The following SMAD2 variants were observed in gnomAD, a reference collection of about 807,000 sequenced individuals.
SMAD2 encodes MAD homolog 2.
In SMAD2, 8 loss-of-function variants were observed where a neutral mutation model predicts 64.4. The ratio of observed to expected loss-of-function variants is 0.12; its 90% CI spans 0.07 to 0.22. The LOEUF is 0.22. Ranked by LOEUF, SMAD2 falls within the 10% of genes least tolerant of loss-of-function variation. SMAD2 has a pLI of 1.00. For synonymous variants in SMAD2, 203 were observed against 195.8 expected (o/e 1.04, Z -0.31); for missense variants, 289 against 561.2 (o/e 0.51, Z 4.90).
chr18:47,895,950 T>C (rs2033419978), intron 2 of SMAD2, among the ~76,000 whole-genome samples: 2 of 152,240 alleles, frequency 1.3e-5, no homozygotes, highest in Admixed American at 1.3e-4. Flanking sequence ...CAGTGGTACT[T>C]ATCTGTAAAT....
Position 47,845,440 on chromosome 18 carries a change from G to A in SMAD2, c.1180C>T (p.Leu394=), listed in dbSNP as rs771824876. Residue 394 remains leucine (L), a synonymous_variant, in exon 10 of 11, where the codon CTG becomes TTG. Coordinates refer to ENST00000262160, the MANE Select transcript of SMAD2 (RefSeq NM_005901.6). ...AAACCCTGATTAACAGACTGAGCCA[G>A]AAGAGCAGCAAATTCCTGGTTGTTG... The part of the protein sequence containing the change: ...IFNNQEFAAL[L]AQSVNQGFEA... 1 of 1,613,674 alleles carries A rather than the reference G, an allele frequency of 6.2e-7. No homozygotes were observed.
intron 7 of SMAD2, among the ~76,000 whole-genome samples, chr18:47,850,200 ATATATATTATT>A (rs1914983628): frequency 1.1e-5 from 1 of 95,118 alleles, no homozygotes; most frequent in Non-Finnish European, 1.9e-5. Flanking sequence ...TATATAGTAT[ATATATATTATT>A]ATATATATGT....
chr18:47,825,190 A>T lies in SMAD2; in HGVS notation c.*16637T>A, dbSNP rs1447922365. 6.6e-6 allele frequency: 1 copy of T among 152,206 alleles called. No individual in the cohort carries two copies. The highest frequency in any genetic ancestry group is 1.5e-5 in the Non-Finnish European group (1 of 68,042). 9.4% of individuals were successfully genotyped at this position (152,206 alleles called of 1,614,324 possible). A position where few individuals can be genotyped will look rare whatever the true frequency, so the allele number is the denominator to read the frequency against. On this transcript the variant is annotated 3_prime_UTR_variant, in exon 11 of 11. Transcript: ENST00000262160. ...CCATTTAAACATATATTCAAGGAAA[A>T]ATATATTAAGTTACCTGAACATTTG... is the stretch of plus-strand genomic sequence containing the variant.
chr18:47,882,661 C>T (rs990371648), intron 2 of SMAD2, among the ~76,000 whole-genome samples: 3 of 152,136 alleles, frequency 2.0e-5, no homozygotes, highest in Admixed American at 6.5e-5. Flanking sequence ...CCTCATAAAA[C>T]AACATTTTTC....
Position 47,834,428 on chromosome 18 carries a change from A to G in SMAD2, c.*7399T>C, listed in dbSNP as rs555171457. 4.8e-5 allele frequency: 10 copies of G among 206,572 alleles called. No homozygotes were observed. Among genetic ancestry groups the G allele is most frequent in the African/African-American group, 6.8e-5 (3 of 43,810 alleles). 12.8% of individuals were successfully genotyped at this position (206,572 alleles called of 1,614,324 possible). On this transcript the variant is annotated 3_prime_UTR_variant, in exon 11 of 11. Coordinates refer to ENST00000262160, the MANE Select transcript of SMAD2 (RefSeq NM_005901.6). ...TCTGCTAAAAGTTTTGTATCCAGGG[A>G]AAGTCCCGCATCCAGGGAAACCCTC...
chr18:47,860,159 G>A (rs569863947), intron 6 of SMAD2, among the ~76,000 whole-genome samples: 18 of 151,704 alleles, frequency 1.2e-4, no homozygotes, highest in Admixed American at 6.5e-4. Context: ...TGACTTAAAT[G>A]AAATGAACAC....
At chr18:47,912,509 G>A (rs2034177329) in intron 1 of SMAD2, 1 of 152,398 alleles carries the variant, frequency 6.6e-6, no homozygotes, top group South Asian at 2.1e-4. Context: ...TGGCCAGGAG[G>A]CAGCATAAAA....
intron 6 of SMAD2, among the ~76,000 whole-genome samples, chr18:47,854,479 T>C (rs894670945): frequency 2.6e-4 from 40 of 152,282 alleles, no homozygotes; most frequent in African/African-American, 9.4e-4. Context: ...ATATGATAGG[T>C]TTAAAAGGAG....
Position 47,824,737 on chromosome 18 carries a change from A to T in SMAD2, c.*17090T>A, listed in dbSNP as rs953229377. ...AATTTTAAATATAGACAGTATATTT[A>T]AAAAAAACATAAAAAGTATGTCGAA... On this transcript the variant is annotated 3_prime_UTR_variant, in exon 11 of 11. Coordinates refer to ENST00000262160, the MANE Select transcript of SMAD2 (RefSeq NM_005901.6). 73 of 152,106 alleles carry T rather than the reference A, an allele frequency of 4.8e-4. 1 individual carries two copies. The highest frequency in any genetic ancestry group is 4.5e-3 in the Admixed American group (69 of 15,264). The allele number at this position is 152,106 out of a possible 1,614,324, so 9.4% of individuals were successfully genotyped here.
intron 10 of SMAD2, among the ~76,000 whole-genome samples, chr18:47,843,018 T>C (rs958147976): frequency 6.6e-6 from 1 of 152,200 alleles, no homozygotes; most frequent in Non-Finnish European, 1.5e-5. Flanking sequence ...ACATGTTCAA[T>C]GTAATTTAAA....
chr18:47,884,431 A>G (rs1305818926), intron 2 of SMAD2, among the ~76,000 whole-genome samples: 1 of 152,170 alleles, frequency 6.6e-6, no homozygotes, highest in South Asian at 2.1e-4. Flanking sequence ...CAGAGGCCAC[A>G]TTTTTAATTA....
rs945286469 is a variant in SMAD2 at position 47,840,734 on chromosome 18, G to A, written c.*1093C>T. The A allele has an allele frequency of 4.3e-6, 1 of 231,094 alleles. No homozygotes were observed. The highest frequency in any genetic ancestry group is 2.2e-5 in the African/African-American group (1 of 45,210). The allele number at this position is 231,094 out of a possible 1,614,324, so 14.3% of individuals were successfully genotyped here. On this transcript the variant is annotated 3_prime_UTR_variant, in exon 11 of 11. Transcript: ENST00000262160. ...GTTACTAAACCAAATCAAACTACTC[G>A]AAGAGCAGAAGGTCTGCTGTTGAAA...
At position 47,813,557 on chromosome 18, in the gene SMAD2, C is replaced by CGTGTGT. The variant is rs1457355367; in HGVS notation, c.*28269_*28270insACACAC. ...GAGTAGCTGGGATTACAGGCACACACCACCACACCCGGCTAATTTTCTGCA... is the reference window on the plus strand; with the variant it reads ...GAGTAGCTGGGATTACAGGCACACACGTGTGTCACCACACCCGGCTAATTTTCTGCA... On this transcript the variant is annotated 3_prime_UTR_variant, in exon 11 of 11. Transcript: ENST00000262160. 5.9e-5 allele frequency: 9 copies of CGTGTGT among 151,896 alleles called. No homozygotes were observed. The highest frequency in any genetic ancestry group is 2.2e-4 in the African/African-American group (9 of 41,272). The allele number at this position is 151,896 out of a possible 1,614,324, so 9.4% of individuals were successfully genotyped here.
intron 2 of SMAD2, among the ~76,000 whole-genome samples, chr18:47,874,685 G>A (rs937036541): frequency 6.6e-6 from 1 of 151,984 alleles, no homozygotes; most frequent in African/African-American, 2.4e-5. Flanking sequence ...GCTACTCCCT[G>A]TATTAAAAAA....
intron 1 of SMAD2, among the ~76,000 whole-genome samples, chr18:47,918,737 G>GCCTGATAGCT (rs2034433583): frequency 1.3e-5 from 2 of 151,426 alleles, no homozygotes; most frequent in South Asian, 4.2e-4. Flanking sequence ...CTCTTGCATA[G>GCCTGATAGCT]CTTGACAGCA....
In SMAD2 at chr18:47,896,601, T is replaced by C. The variant is rs149060335; in HGVS notation, c.156A>G (p.Leu52=). 2.4e-5 allele frequency: 38 copies of C among 1,614,210 alleles called. No individual in the cohort carries two copies. In the African/African-American group the frequency reaches 4.8e-4, roughly 20 times the overall value. The part of the protein sequence containing the change: ...EKAVKSLVKK[L]KKTGRLDELE... ...GCTCATCTAATCGTCCTGTTTTCTT[T>C]AGCTTCTTCACCAGACTTTTCACTG... The change falls in exon 2 of 11, where the codon CTA becomes CTG. Residue 52 remains leucine, a synonymous_variant. Transcript: ENST00000262160.
rs889545832 is a variant in SMAD2, at chr18:47,930,523, C to T, written c.-216G>A. The T allele has an allele frequency of 2.7e-5, 4 of 150,722 alleles. No homozygotes were observed. Among genetic ancestry groups the T allele is most frequent in the African/African-American group, 4.9e-5 (2 of 41,108 alleles). 9.3% of individuals were successfully genotyped at this position (150,722 alleles called of 1,614,324 possible). On this transcript the variant is annotated 5_prime_UTR_variant, in exon 1 of 11. Transcript: ENST00000262160. ...CCGGCCGCCGTCTTCCCGCCCCGCCCCCAGGCCCGGGCCCGGCCGGCGGCC... is the reference window on the plus strand; with the variant it reads ...CCGGCCGCCGTCTTCCCGCCCCGCCTCCAGGCCCGGGCCCGGCCGGCGGCC...
At chr18:47,926,559 G>A (rs971193657) in intron 1 of SMAD2, among the ~76,000 whole-genome samples, 1 of 151,826 alleles carries the variant, frequency 6.6e-6, no homozygotes, top group South Asian at 2.1e-4. Flanking sequence ...TAATCTACTT[G>A]TTTCTAATCT....
rs1258109855 is a variant in SMAD2 at position 47,819,011 on chromosome 18, ATG to A, written c.*22814_*22815del. 6.6e-6 allele frequency: 1 copy of A among 152,248 alleles called. No homozygotes were observed. 9.4% of individuals were successfully genotyped at this position (152,248 alleles called of 1,614,324 possible). On this transcript the variant is annotated 3_prime_UTR_variant, in exon 11 of 11. Transcript: ENST00000262160. ...GGTGTGTTTACACATATGTATATAT[ATG>A]TTGTATGTTGTGTCTACGTGGTAAA...
Sources: gnomAD v4.1 joint callset for allele counts (sites outside exome capture counted in the v4.1 genomes callset) on GRCh38, gnomAD v4.1.1 for gene constraint, MANE v1.5 for transcripts, NCBI Gene and HGNC (gene_info 2026-07-23, HGNC 2026-07-21) for gene names.